Variants in NPTX1 observed in about 807,000 individuals in gnomAD.
NPTX1 encodes neuronal pentraxin 1, also known as neuronal pentraxin-1.
In NPTX1, 12 loss-of-function variants were observed where a neutral mutation model predicts 38.7. The observed-to-expected ratio is 0.31, with a 90% CI of 0.20 to 0.50. The LOEUF is 0.50. Ranked by LOEUF, NPTX1 falls within the 20% of genes least tolerant of loss-of-function variation. NPTX1 has a pLI of 0.98. For synonymous variants in NPTX1, 272 were observed against 264.9 expected (o/e 1.03, Z -0.26); for missense variants, 454 against 592.2 (o/e 0.77, Z 2.42).
rs2083882041 is a variant in NPTX1 at position 80,476,278 on chromosome 17, T to C, written c.169A>G (p.Ser57Gly). ...AAGGAEELRS[S>G]VLQLRETVLQ... ...ACCGTCTCGCGGAGCTGCAGCACGC[T>C]GCTCCGGAGCTCCTCGGCGCCGCCG... is the stretch of plus-strand genomic sequence containing the variant. Residue 57 changes from serine (S) to glycine (G), a missense_variant, in exon 1 of 5, where the codon AGC (serine) becomes GGC (glycine). Coordinates refer to ENST00000306773, the MANE Select transcript of NPTX1 (RefSeq NM_002522.4). This position sits in a 1 kb window ranked among gnomAD's most constrained non-coding sequence, Gnocchi z 6.3. The C allele has an allele frequency of 3.2e-6, 5 of 1,564,474 alleles. No homozygotes were observed. The highest frequency in any genetic ancestry group is 3.4e-6 in the Non-Finnish European group (4 of 1,163,276).
Position 80,475,416 on chromosome 17 carries a change from G to T in NPTX1, c.652+95C>A. On this transcript the variant is annotated intron_variant, in intron 2 of 4. Transcript: ENST00000306773. The surrounding 1 kb of genome is among the most constrained non-coding windows in gnomAD (Gnocchi z 6.5). ...GGGGTAGCGGAGCGGCTTGAGGCTT[G>T]CACAGTGCAGAGCTGGGCTGTTAGG... The T allele has an allele frequency of 2.0e-6, 2 of 982,916 alleles. No homozygotes were observed. The highest frequency in any genetic ancestry group is 3.0e-6 in the Non-Finnish European group (2 of 663,580). 60.9% of individuals were successfully genotyped at this position (982,916 alleles called of 1,614,324 possible).
Position 80,475,594 on chromosome 17 carries a change from C to G in NPTX1, c.569G>C (p.Gly190Ala), listed in dbSNP as rs143382901. 5.0e-6 allele frequency: 8 copies of G among 1,612,402 alleles called. No homozygotes were observed. The highest frequency in any genetic ancestry group is 2.2e-5 in the East Asian group (1 of 44,868). Residue 190 changes from glycine to alanine, a missense_variant, in exon 2 of 5, where the codon GGC (glycine) becomes GCC (alanine). Gly to Ala is a moderately conservative substitution (Grantham distance 60, BLOSUM62 0). This residue lies in a region of NPTX1 where 288 missense variants were observed against 318.4 expected (regional missense o/e 0.90). Transcript: ENST00000306773. This position sits in a 1 kb window ranked among gnomAD's most constrained non-coding sequence, Gnocchi z 6.5. Reference sequence around the variant, plus strand: ...CCTCTCCTCGGTGTCGTTCCTGGGGCCCCCCTTGCCCTCCTCCAGGGTGTT... The same window carrying G: ...CCTCTCCTCGGTGTCGTTCCTGGGGGCCCCCTTGCCCTCCTCCAGGGTGTT... ...RVNTLEEGKGGPRNDTEERVK... is the reference protein window; with the variant it reads ...RVNTLEEGKGAPRNDTEERVK...
rs377646054 is a variant in NPTX1, at chr17:80,476,518, G to A, written c.-72C>T. Reference sequence around the variant, plus strand: ...CTCGGCTCCGGCTGGGACCCGGCTCGGGCTGTGGCTCCGCGAGCGGCCCGC... The same window carrying A: ...CTCGGCTCCGGCTGGGACCCGGCTCAGGCTGTGGCTCCGCGAGCGGCCCGC... On this transcript the variant is annotated 5_prime_UTR_variant, in exon 1 of 5. Transcript: ENST00000306773. The surrounding 1 kb of genome is among the most constrained non-coding windows in gnomAD (Gnocchi z 6.3). 1.1e-6 allele frequency: 1 copy of A among 908,878 alleles called. No individual in the cohort carries two copies. The highest frequency in any genetic ancestry group is 1.3e-6 in the Non-Finnish European group (1 of 743,526). 56.3% of individuals were successfully genotyped at this position (908,878 alleles called of 1,614,324 possible).
In NPTX1 at chr17:80,476,575, T is replaced by G. The variant is rs2083885004; in HGVS notation, c.-129A>C. 1 of 323,842 alleles carries G rather than the reference T, an allele frequency of 3.1e-6. No individual in the cohort carries two copies. Among genetic ancestry groups the G allele is most frequent in the African/African-American group, 2.3e-5 (1 of 44,324 alleles). 20.1% of individuals were successfully genotyped at this position (323,842 alleles called of 1,614,324 possible). ...GGCGCCGCGCTCTTCGGCCGCGCGG[T>G]CCACACCGCCGCGCTATCAGGCCCC... On this transcript the variant is annotated 5_prime_UTR_variant, in exon 1 of 5. Transcript: ENST00000306773. This position sits in a 1 kb window ranked among gnomAD's most constrained non-coding sequence, Gnocchi z 6.3.
intron 2 of NPTX1, chr17:80,473,879 C>T (rs543423507): frequency 2.3e-4 from 47 of 200,352 alleles, no homozygotes; most frequent in African/African-American, 1.0e-3. Context: ...CAGGATGGGG[C>T]GGGGCTCAGA....
At position 80,475,915 on chromosome 17, in the gene NPTX1, G is replaced by A. The variant is rs1568276209; in HGVS notation, c.444+88C>T. On this transcript the variant is annotated intron_variant, in intron 1 of 4. Coordinates refer to ENST00000306773, the MANE Select transcript of NPTX1 (RefSeq NM_002522.4). The surrounding 1 kb of genome is among the most constrained non-coding windows in gnomAD (Gnocchi z 6.5). ...CCGCGCGGCTGAGGCGAGGGCGGGG[G>A]ATGCCTGGCCGGGTAGGGAACGGGG... 4 of 1,156,962 alleles carry A rather than the reference G, an allele frequency of 3.5e-6. No individual in the cohort carries two copies. The South Asian group carries it at 4.4e-5, about 13-fold the overall frequency. 71.7% of individuals were successfully genotyped at this position (1,156,962 alleles called of 1,614,324 possible). A position where few individuals can be genotyped will look rare whatever the true frequency, so the allele number is the denominator to read the frequency against.
At chr17:80,473,582 A>G (rs766437400) in intron 2 of NPTX1, 138 bp from the exon 3 acceptor site, 45 of 844,248 alleles carry the variant, frequency 5.3e-5, no homozygotes, top group Non-Finnish European at 8.3e-5. Context: ...CAGAGCGGGT[A>G]GCTTCCCAGG....
Position 80,468,984 on chromosome 17 carries a change from C to T in NPTX1, c.*1829G>A, listed in dbSNP as rs1322219632. 1 of 152,310 alleles carries T rather than the reference C, an allele frequency of 6.6e-6. No individual in the cohort carries two copies. The highest frequency in any genetic ancestry group is 1.9e-4 in the East Asian group (1 of 5,202). The allele number at this position is 152,310 out of a possible 1,614,324, so 9.4% of individuals were successfully genotyped here. On this transcript the variant is annotated 3_prime_UTR_variant, in exon 5 of 5. Coordinates refer to ENST00000306773, the MANE Select transcript of NPTX1 (RefSeq NM_002522.4). ...AACAACGCGCAGCACGGCGCCTGATCTGCACCCCCCTCTGCGGGAGTGATG... is the reference window on the plus strand; with the variant it reads ...AACAACGCGCAGCACGGCGCCTGATTTGCACCCCCCTCTGCGGGAGTGATG...
intron 4 of NPTX1, 86 bp downstream of exon 4, chr17:80,471,646 A>G: frequency 3.3e-6 from 5 of 1,502,412 alleles, no homozygotes; most frequent in Non-Finnish European, 4.5e-6. Context: ...TTCTCCGGCT[A>G]CCTCCCTCCC....
chr17:80,475,770 C>T lies in NPTX1; in HGVS notation c.445-52G>A. On this transcript the variant is annotated intron_variant, in intron 1 of 4. Transcript: ENST00000306773. The surrounding 1 kb of genome is among the most constrained non-coding windows in gnomAD (Gnocchi z 6.5). ...CACACCGTTAGGCGAGGCGCGGGGA[C>T]CGTGCTGGAAGGCCCGCGGCGCGGT... 1 of 1,436,992 alleles carries T rather than the reference C, an allele frequency of 7.0e-7. No homozygotes were observed. Among genetic ancestry groups the T allele is most frequent in the Non-Finnish European group, 9.6e-7 (1 of 1,037,976 alleles). 89.0% of individuals were successfully genotyped at this position (1,436,992 alleles called of 1,614,324 possible).
At position 80,476,341 on chromosome 17, in the gene NPTX1, G is replaced by A; in HGVS notation, c.106C>T (p.Pro36Ser). ...GPTRFICTSVPVDADMCAASV... is the reference protein window; with the variant it reads ...GPTRFICTSVSVDADMCAASV... ...GCGGCGCACATGTCGGCGTCCACGG[G>A]CACCGAGGTGCAGATGAAGCGCGTC... Residue 36 changes from proline to serine, a missense_variant, in exon 1 of 5, where the codon CCC (proline) becomes TCC (serine). By Grantham distance (74) the Pro-to-Ser change is moderately conservative. Coordinates refer to ENST00000306773, the MANE Select transcript of NPTX1 (RefSeq NM_002522.4). This position sits in a 1 kb window ranked among gnomAD's most constrained non-coding sequence, Gnocchi z 6.3. 6.5e-7 allele frequency: 1 copy of A among 1,536,296 alleles called. No individual in the cohort carries two copies. Among genetic ancestry groups the A allele is most frequent in the South Asian group, 1.2e-5 (1 of 83,792 alleles).
At chr17:80,473,079 A>C in intron 3 of NPTX1, 121 bp downstream of exon 3, 85 of 1,110,028 alleles carry the variant, frequency 7.7e-5, no homozygotes, top group East Asian at 2.9e-4. Flanking sequence ...CCCACCTGGC[A>C]AACACTTTCC....
rs202235708 is a variant in NPTX1, at chr17:80,470,790, G to A, written c.*23C>T. 5.7e-5 allele frequency: 86 copies of A among 1,507,504 alleles called. 1 individual carries two copies. The Middle Eastern group carries it at 1.2e-3, about 22-fold the overall frequency. The allele number at this position is 1,507,504 out of a possible 1,614,324, so 93.4% of individuals were successfully genotyped here. A position where few individuals can be genotyped will look rare whatever the true frequency, so the allele number is the denominator to read the frequency against. ...GCACAAGCAGGGGGCGAGGGCGGGCGGGCTCAGCCTGGCCTGCCGTGCTCA... is the reference window on the plus strand; with the variant it reads ...GCACAAGCAGGGGGCGAGGGCGGGCAGGCTCAGCCTGGCCTGCCGTGCTCA... On this transcript the variant is annotated 3_prime_UTR_variant, in exon 5 of 5. Transcript: ENST00000306773.
At chr17:80,474,615 C>T (rs935326324) in intron 2 of NPTX1, 3 of 152,518 alleles carry the variant, frequency 2.0e-5, no homozygotes, top group Non-Finnish European at 4.4e-5. Context: ...GGGGCCCAGC[C>T]CCTGGCCTTT....
Position 80,476,452 on chromosome 17 carries a change from C to A in NPTX1, c.-6G>T, listed in dbSNP as rs542777076. The A allele has an allele frequency of 4.9e-4, 612 of 1,247,748 alleles. 6 individuals are homozygous for A. The African/African-American group carries it at 8.8e-3, about 18-fold the overall frequency. The allele number at this position is 1,247,748 out of a possible 1,614,324, so 77.3% of individuals were successfully genotyped here. On this transcript the variant is annotated 5_prime_UTR_variant, in exon 1 of 5. Coordinates refer to ENST00000306773, the MANE Select transcript of NPTX1 (RefSeq NM_002522.4). The surrounding 1 kb of genome is among the most constrained non-coding windows in gnomAD (Gnocchi z 6.3). ...GCGGCGCGGCCGGCCGGCATGGCTGCGGGCACCGGGCGCTCCGGGCCCGGC... is the reference window on the plus strand; with the variant it reads ...GCGGCGCGGCCGGCCGGCATGGCTGAGGGCACCGGGCGCTCCGGGCCCGGC...
chr17:80,472,327 C>T (rs1055840422), intron 3 of NPTX1, among the ~76,000 whole-genome samples: 1 of 140,690 alleles, frequency 7.1e-6, no homozygotes, highest in African/African-American at 2.5e-5. Flanking sequence ...CTTCCGATGT[C>T]CCATCTCTAG....
rs916829283 is a variant in NPTX1 at position 80,468,657 on chromosome 17, T to G, written c.*2156A>C. 2.0e-5 allele frequency: 3 copies of G among 152,258 alleles called. No homozygotes were observed. Among genetic ancestry groups the G allele is most frequent in the African/African-American group, 7.2e-5 (3 of 41,452 alleles). The allele number at this position is 152,258 out of a possible 1,614,324, so 9.4% of individuals were successfully genotyped here. A position where few individuals can be genotyped will look rare whatever the true frequency, so the allele number is the denominator to read the frequency against. On this transcript the variant is annotated 3_prime_UTR_variant, in exon 5 of 5. Coordinates refer to ENST00000306773, the MANE Select transcript of NPTX1 (RefSeq NM_002522.4). ...TACACGTTAAAAATGCTTCTTGGTG[T>G]GTTTGGGGAGGGGGAGAGGGAAACT...
chr17:80,472,927 C>G (rs909398069), intron 3 of NPTX1, among the ~76,000 whole-genome samples: 1 of 152,198 alleles, frequency 6.6e-6, no homozygotes, highest in Non-Finnish European at 1.5e-5. Flanking sequence ...TCGGGCAGGG[C>G]CAGGCCCCAT....
In NPTX1 at chr17:80,475,969, G is replaced by A. The variant is rs1196490100; in HGVS notation, c.444+34C>T. On this transcript the variant is annotated intron_variant, in intron 1 of 4. Coordinates refer to ENST00000306773, the MANE Select transcript of NPTX1 (RefSeq NM_002522.4). The surrounding 1 kb of genome is among the most constrained non-coding windows in gnomAD (Gnocchi z 6.5). Reference sequence around the variant, plus strand: ...GGGAGGGCAGAGGGGCGAGCGAGCCGGAGGGGGAACCGGAGCCGAGGGCGC... The same window carrying A: ...GGGAGGGCAGAGGGGCGAGCGAGCCAGAGGGGGAACCGGAGCCGAGGGCGC... The A allele has an allele frequency of 1.2e-5, 18 of 1,556,806 alleles. No homozygotes were observed. The highest frequency in any genetic ancestry group is 3.4e-5 in the Admixed American group (2 of 59,340).
Sources: allele counts gnomAD v4.1 joint callset (sites outside exome capture counted in the v4.1 genomes callset), GRCh38; gene constraint gnomAD v4.1.1; regional missense constraint gnomAD v4.1.1; non-coding constraint Gnocchi (gnomAD v3.1); transcripts MANE v1.5; gene names NCBI Gene and HGNC (gene_info 2026-07-23, HGNC 2026-07-21).